GNG2: variants seen among roughly 807,000 people sequenced by gnomAD.
GNG2 encodes guanine nucleotide-binding protein G(I)/G(S)/G(O) subunit gamma-2.
A neutral mutation model predicts 5.5 loss-of-function variants in GNG2; 5 were observed. The ratio of observed to expected loss-of-function variants is 0.91; its 90% CI spans 0.48 to 1.92. The LOEUF is 1.92. Ranked by LOEUF, GNG2 falls within the 30% of genes most tolerant of loss-of-function variation. The pLI, the probability that GNG2 is intolerant of heterozygous loss-of-function variation, is 0.01. For missense variants in GNG2, 55 were observed against 88.4 expected (o/e 0.62, Z 1.52); for synonymous variants, 28 against 32.0 (o/e 0.88, Z 0.42).
chr14:51,855,831 C>A (rs949066773), upstream of GNG2, among the ~76,000 whole-genome samples: 1 of 152,096 alleles, frequency 6.6e-6, no homozygotes, highest in Admixed American at 6.5e-5. Context: ...AACAGACCTA[C>A]CTATCAAAGC....
chr14:51,935,007 T>C (rs1452943207), intron 2 of GNG2, among the ~76,000 whole-genome samples: 1 of 150,756 alleles, frequency 6.6e-6, no homozygotes, highest in Non-Finnish European at 1.5e-5. Flanking sequence ...TAGGTGGAAA[T>C]TCCAGCCCAG....
intron 2 of GNG2, among the ~76,000 whole-genome samples, chr14:51,913,582 G>GGGCA (rs1238898037): frequency 6.6e-6 from 1 of 152,120 alleles, no homozygotes; most frequent in African/African-American, 2.4e-5. Flanking sequence ...TAGGATGAGA[G>GGGCA]GGCAGTACAG....
chr14:51,901,967 A>T (rs1265603352), intron 2 of GNG2, among the ~76,000 whole-genome samples: 31 of 15,348 alleles, frequency 2.0e-3, no homozygotes, highest in Non-Finnish European at 5.5e-3. Context: ...AATCTGTAAA[A>T]AAAAAAAAAA....
upstream of GNG2, among the ~76,000 whole-genome samples, chr14:51,859,185 G>A (rs1240416233): frequency 6.6e-6 from 1 of 152,150 alleles, no homozygotes; most frequent in Admixed American, 6.5e-5. Context: ...AGCTTTCCAG[G>A]CACTGATTCC....
At chr14:51,912,856 G>GGT (rs1459668359) in intron 2 of GNG2, among the ~76,000 whole-genome samples, 11 of 149,780 alleles carry the variant, frequency 7.3e-5, no homozygotes, top group Non-Finnish European at 1.3e-4. Flanking sequence ...TGGGGGTGGG[G>GGT]GTGTGTGTGT....
In GNG2 at chr14:51,854,232, C is replaced by T. The variant is rs528190695; in HGVS notation, c.64+26425C>T. Among the ~76,000 whole-genome samples the T allele has an allele frequency of 9.9e-5, 15 of 152,280 alleles. No individual in the cohort carries two copies. The East Asian group carries it at 2.7e-3, about 27-fold the overall frequency. On this transcript the variant is annotated intron_variant, in intron 2 of 3. Coordinates refer to the GNG2 transcript ENST00000553432. ...TTTGTGGAAGCAACAAGTTTTACTT[C>T]GCAGAATCAGTGTTTCTGTTTTTAT...
At chr14:51,966,234 A>AAAAAAC (rs1889903300) in intron 3 of GNG2, among the ~76,000 whole-genome samples, 2 of 149,914 alleles carry the variant, frequency 1.3e-5, no homozygotes, top group African/African-American at 5.0e-5. Flanking sequence ...AAAAAAAAAA[A>AAAAAAC]AAACAAATGA....
intron 2 of GNG2, among the ~76,000 whole-genome samples, chr14:51,911,250 T>C (rs1219844721): frequency 6.6e-6 from 1 of 152,174 alleles, no homozygotes; most frequent in Non-Finnish European, 1.5e-5. Flanking sequence ...CCTATGTACA[T>C]GTGTATGTAT....
intron 3 of GNG2, among the ~76,000 whole-genome samples, chr14:51,953,424 G>T (rs186008194): frequency 1.9e-3 from 291 of 152,276 alleles, no homozygotes; most frequent in African/African-American, 6.7e-3. Flanking sequence ...GTTACCAAAT[G>T]TGATCAGAAA....
intron 2 of GNG2, among the ~76,000 whole-genome samples, chr14:51,892,436 A>G (rs35336316): frequency 0.12 from 18,627 of 151,672 alleles, 2,196 homozygotes; most frequent in African/African-American, 0.32. Flanking sequence ...CTCTGCTGGG[A>G]CTACAGGCAT....
At chr14:51,841,777 T>G (rs1881490979) in intron 2 of GNG2, among the ~76,000 whole-genome samples, 2 of 152,214 alleles carry the variant, frequency 1.3e-5, no homozygotes, top group Admixed American at 1.3e-4. Flanking sequence ...AAGGAAATGC[T>G]TTTCTTTGGG....
intron 3 of GNG2, among the ~76,000 whole-genome samples, chr14:51,966,220 A>AG (rs1429109946): frequency 6.8e-6 from 1 of 146,078 alleles, no homozygotes; most frequent in African/African-American, 2.5e-5. Context: ...AAAAAAAAAA[A>AG]AAAAAAAAAA....
intron 3 of GNG2, among the ~76,000 whole-genome samples, chr14:51,952,666 G>A (rs978094389): frequency 1.3e-5 from 2 of 152,108 alleles, no homozygotes; most frequent in Non-Finnish European, 2.9e-5. Flanking sequence ...TGTGCTCATG[G>A]GTGATGAAAA....
chr14:51,925,911 C>T (rs1331449250), intron 2 of GNG2, among the ~76,000 whole-genome samples: 2 of 151,986 alleles, frequency 1.3e-5, no homozygotes, highest in Admixed American at 6.6e-5. Context: ...TGTGAGCCAC[C>T]GCACCTGGCC....
At chr14:51,897,941 T>C (rs541932607) in intron 2 of GNG2, among the ~76,000 whole-genome samples, 1 of 152,344 alleles carries the variant, frequency 6.6e-6, no homozygotes, top group South Asian at 2.1e-4. Flanking sequence ...CCTGCTAGTA[T>C]GAAAGGGGCT....
At chr14:51,928,999 T>C (rs1887504182) in intron 2 of GNG2, among the ~76,000 whole-genome samples, 1 of 152,224 alleles carries the variant, frequency 6.6e-6, no homozygotes, top group East Asian at 1.9e-4. Flanking sequence ...TTTAAAGACT[T>C]TTATTAAAGA....
At chr14:51,953,115 C>T (rs1204828044) in intron 3 of GNG2, among the ~76,000 whole-genome samples, 1 of 152,212 alleles carries the variant, frequency 6.6e-6, no homozygotes, top group African/African-American at 2.4e-5. Flanking sequence ...CTTTACTTAA[C>T]ACTTGACTGC....
At chr14:51,893,471 G>C (rs188063977) in intron 2 of GNG2, among the ~76,000 whole-genome samples, 115 of 152,188 alleles carry the variant, frequency 7.6e-4, no homozygotes, top group Admixed American at 2.3e-3. Context: ...AGAATCCTTA[G>C]TTTATTAGTG....
chr14:51,962,376 A>C (rs1889666906), intron 3 of GNG2, among the ~76,000 whole-genome samples: 2 of 152,172 alleles, frequency 1.3e-5, no homozygotes, highest in South Asian at 4.1e-4. Flanking sequence ...AGTATCTGGT[A>C]TCTATCAGTG....
Sources: gnomAD v4.1 joint callset for allele counts (sites outside exome capture counted in the v4.1 genomes callset) on GRCh38, gnomAD v4.1.1 for gene constraint, MANE v1.5 for transcripts, NCBI Gene and HGNC (gene_info 2026-07-23, HGNC 2026-07-21) for gene names.